DNAH10: variants seen among roughly 807,000 people sequenced by gnomAD.
DNAH10 encodes dynein axonemal heavy chain 10.
In DNAH10, 348 loss-of-function variants were observed where a neutral mutation model predicts 506.6. That is an observed-to-expected ratio of 0.69 (90% confidence interval 0.63 to 0.75). The LOEUF (loss-of-function observed/expected upper bound fraction) is 0.75, where lower values mean the gene tolerates loss of function less well. Ranked by LOEUF, DNAH10 falls within the 30% of genes least tolerant of loss-of-function variation. DNAH10 has a pLI of 0.00. For synonymous variants in DNAH10, 2,059 were observed against 2,198.6 expected, an observed-to-expected ratio of 0.94 and a Z score of 1.78; for missense variants, 5,179 against 5,787.1, an observed-to-expected ratio of 0.89 and a Z score of 3.41.
At chr12:123,836,396 C>T (rs1961131588) in intron 28 of DNAH10, among the ~76,000 whole-genome samples, 1 of 152,150 alleles carries the variant, frequency 6.6e-6, no homozygotes, top group African/African-American at 2.4e-5. Flanking sequence ...AAATAATGTA[C>T]AGGTTCTTGC....
In DNAH10 at chr12:123,913,723, G is replaced by A. The variant is rs1224945058; in HGVS notation, c.10352+408G>A. Among the ~76,000 whole-genome samples, 2 of 152,200 alleles carry A rather than the reference G, an allele frequency of 1.3e-5. No individual in the cohort carries two copies. The highest frequency in any genetic ancestry group is 2.9e-5 in the Non-Finnish European group (2 of 68,034). On this transcript the variant is annotated intron_variant, in intron 60 of 78. Transcript: ENST00000673944. The surrounding 1 kb of genome is among the most constrained non-coding windows in gnomAD (Gnocchi z 5.1). ...GTCCCAGTGGCTTGTTCAATCCTGG[G>A]CTTCAGTCTTAAGTGATGGGGCTGT...
rs1181965091 is a variant in DNAH10, at chr12:123,902,862, C to T, written c.9641-77C>T. 6.8e-7 allele frequency: 1 copy of T among 1,477,036 alleles called. No homozygotes were observed. The highest frequency in any genetic ancestry group is 9.0e-7 in the Non-Finnish European group (1 of 1,106,706). 91.5% of individuals were successfully genotyped at this position (1,477,036 alleles called of 1,614,324 possible). A position where few individuals can be genotyped will look rare whatever the true frequency, so the allele number is the denominator to read the frequency against. ...GGCTCAAGCCAACCTTTGAGGACTG[C>T]ACTCTGCTCAGAGCCGGGGCCGCGA... On this transcript the variant is annotated intron_variant, in intron 56 of 78. Transcript: ENST00000673944. The surrounding 1 kb of genome is among the most constrained non-coding windows in gnomAD (Gnocchi z 4.5).
At position 123,804,891 on chromosome 12, in the gene DNAH10, G is replaced by T; in HGVS notation, c.2838G>T (p.Met946Ile). Residue 946 changes from methionine to isoleucine, a missense_variant, in exon 18 of 79, where the codon ATG (methionine) becomes ATT (isoleucine). Physicochemically the swap from Met to Ile is conservative, Grantham distance 10 (BLOSUM62 1). This residue lies in a region of DNAH10 where 4,844 missense variants were observed against 5,430.5 expected (regional missense o/e 0.89). Coordinates refer to ENST00000673944, the MANE Select transcript of DNAH10 (RefSeq NM_001372106.1). ...ERERASDVDH[M>I]VRWYLAIGPL... The stretch of plus-strand genomic sequence containing the variant: ...AAAGGGCCAGCGACGTGGACCACAT[G>T]GTCCGGTGGTATCTTGCCATTGGAC... The T allele has an allele frequency of 1.2e-6, 2 of 1,613,712 alleles. No individual in the cohort carries two copies. Among genetic ancestry groups the T allele is most frequent in the Non-Finnish European group, 1.7e-6 (2 of 1,180,034 alleles).
In DNAH10 at chr12:123,924,430, G is replaced by A. The variant is rs779474470; in HGVS notation, c.11764G>A (p.Glu3922Lys). Residue 3922 changes from glutamate to lysine, a missense_variant and splice_region_variant, in exon 67 of 79, where the codon GAG becomes AAG. By Grantham distance (56) the Glu-to-Lys change is moderately conservative (BLOSUM62 1). Transcript: ENST00000673944. ...DVENNQTVWQ[E>K]WYDLDSLEQF... ...TGAGAATAATCAGACTGTCTGGCAG[G>A]AGGTGAGCCCACGTTCCCTTTCTCC... The A allele has an allele frequency of 6.2e-7, 1 of 1,610,796 alleles. No individual in the cohort carries two copies. The highest frequency in any genetic ancestry group is 1.1e-5 in the South Asian group (1 of 90,862).
chr12:123,810,808 T>C (rs1958904081), intron 19 of DNAH10, among the ~76,000 whole-genome samples: 1 of 152,234 alleles, frequency 6.6e-6, no homozygotes, highest in Non-Finnish European at 1.5e-5. Flanking sequence ...ATAGGTGCTA[T>C]GTATGTTTCC....
At chr12:123,812,280 T>C (rs1729926181) in intron 19 of DNAH10, among the ~76,000 whole-genome samples, 1 of 151,930 alleles carries the variant, frequency 6.6e-6, no homozygotes, top group Admixed American at 6.6e-5. Context: ...TGAAACCCCA[T>C]CTCTACTAAA....
chr12:123,931,563 A>G, intron 74 of DNAH10, 73 bp from the exon 75 acceptor site: 1 of 1,606,770 alleles, frequency 6.2e-7, no homozygotes, highest in South Asian at 1.1e-5. Context: ...CCTTTCCCAG[A>G]ACTGGAAGGC....
In DNAH10 at chr12:123,833,260, C is replaced by A; in HGVS notation, c.4692C>A (p.Ser1564Arg). 6.2e-7 allele frequency: 1 copy of A among 1,613,884 alleles called. No individual in the cohort carries two copies. The highest frequency in any genetic ancestry group is 8.5e-7 in the Non-Finnish European group (1 of 1,179,862). The change falls in exon 27 of 79, where the codon AGC (serine) becomes AGA (arginine). Residue 1564 changes from serine to arginine, a missense_variant. Ser to Arg is a moderately radical substitution (Grantham distance 110, BLOSUM62 -1). Transcript: ENST00000673944. ...ATGACAACACTTTCAACCTGCAGAG[C>A]ATCTCAGGAAGCAGATTTGTGGGGC... ...SLDDNTFNLQ[S>R]ISGSRFVGPF...
chr12:123,923,892 C>A, intron 66 of DNAH10, 25 bp downstream of exon 66: 1 of 1,476,128 alleles, frequency 6.8e-7, no homozygotes, highest in Non-Finnish European at 9.4e-7. Context: ...TAGCTTCATT[C>A]CTCCCATCTC....
chr12:123,918,062 G>A (rs1954564702), intron 64 of DNAH10, among the ~76,000 whole-genome samples: 1 of 152,178 alleles, frequency 6.6e-6, no homozygotes, highest in African/African-American at 2.4e-5. Context: ...AGTCAAAAGG[G>A]AAGTTATCAG....
At chr12:123,908,585 C>G in intron 57 of DNAH10, 1 of 456,014 alleles carries the variant, frequency 2.2e-6, no homozygotes, top group South Asian at 1.5e-5. Context: ...CTTCTCTGGC[C>G]TTTGTACCAG....
chr12:123,904,501 C>T (rs888188008), intron 57 of DNAH10, among the ~76,000 whole-genome samples: 1 of 152,088 alleles, frequency 6.6e-6, no homozygotes, highest in African/African-American at 2.4e-5. Flanking sequence ...GAGTCCCTTC[C>T]ATCAATCCAA....
At chr12:123,845,906 G>A (rs1243090537) in intron 31 of DNAH10, 37 bp downstream of exon 31, 6 of 1,612,554 alleles carry the variant, frequency 3.7e-6, no homozygotes, top group Admixed American at 3.3e-5. Flanking sequence ...TTTCAAAAGG[G>A]ACCCTTTGTG....
intron 6 of DNAH10, among the ~76,000 whole-genome samples, chr12:123,782,184 T>C (rs1329986164): frequency 6.6e-6 from 1 of 152,104 alleles, no homozygotes; most frequent in Non-Finnish European, 1.5e-5. Flanking sequence ...AGCTATTATA[T>C]TTTTAATTTT....
chr12:123,878,558 A>G (rs970550418), intron 48 of DNAH10, among the ~76,000 whole-genome samples: 2 of 152,148 alleles, frequency 1.3e-5, no homozygotes, highest in African/African-American at 4.8e-5. Context: ...GCTAGAATGC[A>G]GGGAAAGTTC....
intron 65 of DNAH10, among the ~76,000 whole-genome samples, chr12:123,920,822 T>A (rs1954689279): frequency 6.6e-6 from 1 of 152,158 alleles, no homozygotes; most frequent in Non-Finnish European, 1.5e-5. Context: ...CAGGCTAGGG[T>A]GCAATGGCAC....
chr12:123,871,496 A>C lies in DNAH10; in HGVS notation c.7679A>C (p.Glu2560Ala), dbSNP rs1245027825. ...ACCACTCGGACTACCTGGATATTGG[A>C]ACAAATGGTTAAAATTAAGCAACCT... is the stretch of plus-strand genomic sequence containing the variant. ...VDTTRTTWILEQMVKIKQPVI... is the reference protein window; with the variant it reads ...VDTTRTTWILAQMVKIKQPVI... The change falls in exon 45 of 79, where the codon GAA becomes GCA. Residue 2560 changes from glutamate (E) to alanine (A), a missense_variant. Glu to Ala is a moderately radical substitution (Grantham distance 107, BLOSUM62 -1). Around this residue, in one of 3 missense-constraint regions of DNAH10, gnomAD observed 4,844 missense variants for 5,430.5 expected, o/e 0.89. Transcript: ENST00000673944. The C allele has an allele frequency of 1.9e-6, 3 of 1,574,680 alleles. No homozygotes were observed. The highest frequency in any genetic ancestry group is 2.6e-6 in the Non-Finnish European group (3 of 1,158,586).
intron 24 of DNAH10, among the ~76,000 whole-genome samples, chr12:123,825,353 G>T (rs1167435494): frequency 6.6e-6 from 1 of 152,170 alleles, no homozygotes; most frequent in African/African-American, 2.4e-5. Context: ...AAACAGCATT[G>T]TTGGTAATAG....
chr12:123,798,611 C>T (rs185911881), intron 13 of DNAH10, among the ~76,000 whole-genome samples: 7 of 152,072 alleles, frequency 4.6e-5, no homozygotes, highest in Non-Finnish European at 8.8e-5. Flanking sequence ...ATATCACCAT[C>T]GCAGACCAAC....
Sources: gnomAD v4.1 joint callset for allele counts (sites outside exome capture counted in the v4.1 genomes callset) on GRCh38, gnomAD v4.1.1 for gene constraint, gnomAD v4.1.1 regional missense constraint, Gnocchi (gnomAD v3.1) non-coding constraint, MANE v1.5 for transcripts, NCBI Gene and HGNC (gene_info 2026-07-23, HGNC 2026-07-21) for gene names.